Variants in ZMIZ1 observed in about 807,000 individuals in gnomAD.
The protein encoded by ZMIZ1 is zinc finger MIZ domain-containing protein 1.
A neutral mutation model predicts 113.9 loss-of-function variants in ZMIZ1; 17 were observed. The ratio of observed to expected loss-of-function variants is 0.15; its 90% CI spans 0.10 to 0.22. The LOEUF (loss-of-function observed/expected upper bound fraction) is 0.22, where lower values mean the gene tolerates loss of function less well. Among genes scored for constraint, ZMIZ1 ranks in the 10% least tolerant of loss-of-function variants. The pLI is 1.00. For synonymous variants in ZMIZ1, 607 were observed against 603.1 expected (o/e 1.01, Z -0.09); for missense variants, 1,059 against 1,477.8 (o/e 0.72, Z 4.65).
chr10:79,311,025 T>C lies in ZMIZ1; in HGVS notation c.2937T>C (p.Ser979=). 6.2e-7 allele frequency: 1 copy of C among 1,613,728 alleles called. No individual in the cohort carries two copies. The change falls in exon 24 of 25, where the codon AGT becomes AGC. Residue 979 remains serine, a synonymous_variant. Transcript: ENST00000334512. ...AGTCAGGGCCTCCATTACATCACAG[T>C]GGGGCTCCTCCTCCTCCTCCTTCCC... ...SSQSGPPLHH[S]GAPPPPPSQP... is the part of the protein sequence containing the mutation.
intron 7 of ZMIZ1, among the ~76,000 whole-genome samples, chr10:79,274,945 A>T (rs1281038918): frequency 6.6e-6 from 1 of 152,170 alleles, no homozygotes; most frequent in African/African-American, 2.4e-5. Flanking sequence ...CCCCAGGAGG[A>T]GCGAGGGCTG....
intron 2 of ZMIZ1, among the ~76,000 whole-genome samples, chr10:79,133,058 C>T (rs928287776): frequency 3.3e-5 from 5 of 152,160 alleles, no homozygotes; most frequent in Non-Finnish European, 7.4e-5. Flanking sequence ...TTGATTCAGA[C>T]CTTTCCACAG....
intron 18 of ZMIZ1, 116 bp from the exon 19 acceptor site, chr10:79,303,899 G>A: frequency 7.0e-7 from 1 of 1,435,218 alleles, no homozygotes; most frequent in Non-Finnish European, 9.5e-7. Flanking sequence ...GGTGTGGGCT[G>A]GGAGGAGAAC....
At position 79,114,463 on chromosome 10, in the gene ZMIZ1, A is replaced by C. The variant is rs571267486; in HGVS notation, c.-336-4452A>C. 1.6e-3 allele frequency among the ~76,000 whole-genome samples: 171 copies of C among 104,110 alleles called. 1 individual carries two copies. The highest frequency in any genetic ancestry group is 6.1e-3 in the African/African-American group (161 of 26,444). The allele number at this position is 104,110 out of a possible 152,430, so 68.3% of individuals were successfully genotyped here. On this transcript the variant is annotated intron_variant, in intron 1 of 24. Coordinates refer to ENST00000334512, the MANE Select transcript of ZMIZ1 (RefSeq NM_020338.4). Reference sequence around the variant, plus strand: ...CCACAGCATCTTGGCCTGGGTGTGTATGTGTGTGTGTGTCTGTGTGTGTGT... The same window carrying C: ...CCACAGCATCTTGGCCTGGGTGTGTCTGTGTGTGTGTGTCTGTGTGTGTGT...
chr10:79,303,892 G>A, intron 18 of ZMIZ1, 123 bp from the exon 19 acceptor site: 1 of 1,382,890 alleles, frequency 7.2e-7, no homozygotes. Flanking sequence ...AGCGTTTGGT[G>A]TGGGCTGGGA....
chr10:79,217,742 C>T (rs143202327), intron 7 of ZMIZ1, among the ~76,000 whole-genome samples: 2 of 152,184 alleles, frequency 1.3e-5, no homozygotes, highest in Non-Finnish European at 2.9e-5. Context: ...GATGGCGCTG[C>T]ACACATAGAT....
intron 2 of ZMIZ1, among the ~76,000 whole-genome samples, chr10:79,123,790 T>TTACATA (rs1844399584): frequency 6.6e-6 from 1 of 152,172 alleles, no homozygotes; most frequent in Non-Finnish European, 1.5e-5. Flanking sequence ...ACTTCCAGGG[T>TTACATA]TACATAGGCG....
At chr10:79,098,205 G>T (rs1190335029) in intron 1 of ZMIZ1, among the ~76,000 whole-genome samples, 5 of 152,206 alleles carry the variant, frequency 3.3e-5, no homozygotes, top group Non-Finnish European at 7.3e-5. Flanking sequence ...TTAGACTGGG[G>T]AGCTCTGTGG....
At chr10:79,228,335 G>C (rs1271495256) in intron 7 of ZMIZ1, among the ~76,000 whole-genome samples, 2 of 152,238 alleles carry the variant, frequency 1.3e-5, no homozygotes, top group African/African-American at 4.8e-5. Context: ...ACATGGCTCT[G>C]AGTGGATGGA....
In ZMIZ1 at chr10:79,292,183, G is replaced by C. The variant is rs545073892; in HGVS notation, c.784G>C (p.Ala262Pro). ...ASYPGGPNAP[A>P]GMGIPPHTRP... Reference sequence around the variant, plus strand: ...TTACCCTGGGGGTCCTAACGCCCCCGCAGGCATGGGCATCCCTCCGCACAC... The same window carrying C: ...TTACCCTGGGGGTCCTAACGCCCCCCCAGGCATGGGCATCCCTCCGCACAC... The change falls in exon 11 of 25, where the codon GCA becomes CCA. Residue 262 changes from alanine (A) to proline (P), a missense_variant. Transcript: ENST00000334512. 1 of 1,610,576 alleles carries C rather than the reference G, an allele frequency of 6.2e-7. No homozygotes were observed. The highest frequency in any genetic ancestry group is 1.7e-5 in the Admixed American group (1 of 59,936).
At chr10:79,272,418 G>A (rs906301382) in intron 7 of ZMIZ1, among the ~76,000 whole-genome samples, 4 of 152,252 alleles carry the variant, frequency 2.6e-5, no homozygotes, top group Admixed American at 6.5e-5. Flanking sequence ...GTTTCGAATC[G>A]AATCCAGACT....
rs185548338 is a variant in ZMIZ1, at chr10:79,108,488, A to G, written c.-336-10427A>G. The stretch of plus-strand genomic sequence containing the variant: ...GGATGGGAGGGTGGTGCTCAGGCTG[A>G]TGGTGCACTTTGAGATCTCAGGCTG... On this transcript the variant is annotated intron_variant, in intron 1 of 24. Transcript: ENST00000334512. Among the ~76,000 whole-genome samples the G allele has an allele frequency of 5.3e-5, 8 of 152,120 alleles. No homozygotes were observed. The East Asian group carries it at 1.5e-3, about 29-fold the overall frequency.
At position 79,139,745 on chromosome 10, in the gene ZMIZ1, G is replaced by A. The variant is rs536341500; in HGVS notation, c.-163G>A. On this transcript the variant is annotated 5_prime_UTR_variant, in exon 3 of 25. Transcript: ENST00000334512. ...TGCAAGGGGTGTGAGGAGAGGAGCC[G>A]CTGTTTTTCACTGAGCTGCCATACC... The A allele has an allele frequency of 1.2e-4, 48 of 398,796 alleles. No individual in the cohort carries two copies. Among genetic ancestry groups the A allele is most frequent in the African/African-American group, 3.7e-4 (18 of 48,750 alleles). The allele number at this position is 398,796 out of a possible 1,614,324, so 24.7% of individuals were successfully genotyped here.
At chr10:79,287,550 A>G (rs560084204) in intron 8 of ZMIZ1, among the ~76,000 whole-genome samples, 7 of 152,368 alleles carry the variant, frequency 4.6e-5, no homozygotes, top group Admixed American at 4.6e-4. Flanking sequence ...GTTCAAACCT[A>G]TTTGACCAAG....
chr10:79,219,301 TG>T (rs1848865343), intron 7 of ZMIZ1, among the ~76,000 whole-genome samples: 1 of 152,236 alleles, frequency 6.6e-6, no homozygotes, highest in Non-Finnish European at 1.5e-5. Context: ...CTGAAACCCC[TG>T]CCCTGCTGGC....
chr10:79,220,936 G>A (rs1203325127), intron 7 of ZMIZ1, among the ~76,000 whole-genome samples: 1 of 152,130 alleles, frequency 6.6e-6, no homozygotes, highest in Non-Finnish European at 1.5e-5. Context: ...TCCATGGTGT[G>A]TGTATGTCTA....
At chr10:79,302,856 G>T (rs2132074730) in intron 18 of ZMIZ1, among the ~76,000 whole-genome samples, 1 of 136,458 alleles carries the variant, frequency 7.3e-6, no homozygotes, top group Non-Finnish European at 1.6e-5. Context: ...ACCACGCCCA[G>T]CTAAGTTTTT....
At chr10:79,241,979 G>A (rs371451361) in intron 7 of ZMIZ1, among the ~76,000 whole-genome samples, 2 of 152,168 alleles carry the variant, frequency 1.3e-5, no homozygotes, top group Non-Finnish European at 2.9e-5. Flanking sequence ...ACCTTCCTAA[G>A]TGTTTGGGGC....
At chr10:79,128,627 T>C (rs955653981) in intron 2 of ZMIZ1, among the ~76,000 whole-genome samples, 17 of 151,908 alleles carry the variant, frequency 1.1e-4, no homozygotes, top group African/African-American at 3.9e-4. Context: ...ATAAATTAGA[T>C]TGATTGGACC....
Sources: gnomAD v4.1 joint callset for allele counts (sites outside exome capture counted in the v4.1 genomes callset) on GRCh38, gnomAD v4.1.1 for gene constraint, MANE v1.5 for transcripts, NCBI Gene and HGNC (gene_info 2026-07-23, HGNC 2026-07-21) for gene names.